Variants in DDX20 observed in about 807,000 individuals in gnomAD.
DDX20 encodes the protein probable ATP-dependent RNA helicase DDX20.
Under a neutral mutation model 76.4 loss-of-function variants are expected in DDX20, and 61 were observed. That is an observed-to-expected ratio of 0.80 (90% CI 0.65 to 0.99). DDX20 has a LOEUF of 0.99. Among genes scored for constraint, DDX20 ranks in the 50% least tolerant of loss-of-function variants. The pLI, the probability that DDX20 is intolerant of heterozygous loss-of-function variation, is 0.00. For synonymous variants in DDX20, 357 were observed against 357.4 expected (o/e 1.00, Z 0.01); for missense variants, 976 against 996.8 (o/e 0.98, Z 0.28).
In DDX20 at chr1:111,767,977, A is replaced by C. The variant is rs1663816843; in HGVS notation, c.*1078A>C. 1.3e-5 allele frequency: 2 copies of C among 152,238 alleles called. No individual in the cohort carries two copies. Among genetic ancestry groups the C allele is most frequent in the Non-Finnish European group, 1.5e-5 (1 of 68,030 alleles). The allele number at this position is 152,238 out of a possible 1,614,324, so 9.4% of individuals were successfully genotyped here. A position where few individuals can be genotyped will look rare whatever the true frequency, so the allele number is the denominator to read the frequency against. On this transcript the variant is annotated 3_prime_UTR_variant, in exon 11 of 11. Coordinates refer to ENST00000369702, the MANE Select transcript of DDX20 (RefSeq NM_007204.5). ...CTGATGCATCTGTAAATTACGATTT[A>C]GAAAAATATAATTGGAAATTACATA...
In DDX20 at chr1:111,756,017, G is replaced by A. The variant is rs1284024956; in HGVS notation, c.93G>A (p.Glu31=). Residue 31 remains glutamate (E), a synonymous_variant, in exon 1 of 11, where the codon GAG becomes GAA. Coordinates refer to ENST00000369702, the MANE Select transcript of DDX20 (RefSeq NM_007204.5). The stretch of plus-strand genomic sequence containing the variant: ...TGGCCGTGCAGGTCCCGGCCCCAGA[G>A]CCAACACCCGGGCCTGTGAGGATCC... ...EHVAVQVPAP[E]PTPGPVRILR... 5.6e-6 allele frequency: 9 copies of A among 1,609,136 alleles called. No homozygotes were observed. In the African/African-American group the frequency reaches 8.0e-5, roughly 14 times the overall value.
chr1:111,767,044 AT>A lies in DDX20; in HGVS notation c.*150del. 3.6e-6 allele frequency: 2 copies of A among 557,172 alleles called. No individual in the cohort carries two copies. The highest frequency in any genetic ancestry group is 3.0e-6 in the Non-Finnish European group (1 of 329,800). 34.5% of individuals were successfully genotyped at this position (557,172 alleles called of 1,614,324 possible). ...TGAGTCTTTCCACTGGGACACATCC[AT>A]TTTTCAGATTGTTTTGATTTAGGCC... On this transcript the variant is annotated 3_prime_UTR_variant, in exon 11 of 11. Transcript: ENST00000369702.
chr1:111,759,348 C>T (rs950933380), intron 2 of DDX20, 52 bp from the exon 3 acceptor site: 15 of 1,346,656 alleles, frequency 1.1e-5, no homozygotes, highest in Admixed American at 2.0e-5. Context: ...ATACCAGTCC[C>T]CTATGTATTT....
In DDX20 at chr1:111,762,340, A is replaced by G. The variant is rs1412404067; in HGVS notation, c.1104+3A>G. On this transcript the variant is annotated splice_donor_region_variant and intron_variant, in intron 8 of 10. Coordinates refer to ENST00000369702, the MANE Select transcript of DDX20 (RefSeq NM_007204.5). ...GAGTCCTCATTTCCACAGATTTGGT[A>G]AATTTCCTATTCAGTTTGGGTGACT... 1 of 1,611,850 alleles carries G rather than the reference A, an allele frequency of 6.2e-7. No individual in the cohort carries two copies. Among genetic ancestry groups the G allele is most frequent in the Non-Finnish European group, 8.5e-7 (1 of 1,178,660 alleles).
At chr1:111,756,591 C>T (rs978681095) in intron 1 of DDX20, 55 bp from the exon 2 acceptor site, 20 of 1,451,520 alleles carry the variant, frequency 1.4e-5, no homozygotes, top group African/African-American at 2.8e-5. Flanking sequence ...CCATGTTAGC[C>T]CCTAAGTTGC....
rs1311634627 is a variant in DDX20, at chr1:111,766,548, A to C, written c.2124A>C (p.Pro708=). The part of the protein sequence containing the change: ...QPPNGSDTPN[P]EKYQESPGIQ... ...CAAATGGAAGTGACACCCCCAATCC[A>C]GAGAAATATCAAGAATCACCTGGAA... Residue 708 remains proline, a synonymous_variant, in exon 11 of 11, where the codon CCA becomes CCC. Transcript: ENST00000369702. The C allele has an allele frequency of 3.1e-6, 5 of 1,614,088 alleles. No individual in the cohort carries two copies. Among genetic ancestry groups the C allele is most frequent in the Non-Finnish European group, 4.2e-6 (5 of 1,180,014 alleles).
chr1:111,763,978 T>G (rs948337576), intron 10 of DDX20, among the ~76,000 whole-genome samples: 2 of 152,138 alleles, frequency 1.3e-5, no homozygotes, highest in African/African-American at 4.8e-5. Context: ...TATTCATATA[T>G]AGATGTATGT....
At position 111,767,273 on chromosome 1, in the gene DDX20, T is replaced by C. The variant is rs1450910267; in HGVS notation, c.*374T>C. On this transcript the variant is annotated 3_prime_UTR_variant, in exon 11 of 11. Transcript: ENST00000369702. ...TAGATTTGATTAGTAATATTATTGC[T>C]GTGGAGTTCTTTACAAAGGGCTTAG... 6.0e-6 allele frequency: 1 copy of C among 165,914 alleles called. No homozygotes were observed. Among genetic ancestry groups the C allele is most frequent in the African/African-American group, 2.4e-5 (1 of 41,634 alleles). The allele number at this position is 165,914 out of a possible 1,614,324, so 10.3% of individuals were successfully genotyped here. A position where few individuals can be genotyped will look rare whatever the true frequency, so the allele number is the denominator to read the frequency against.
chr1:111,762,428 C>T (rs1663692250), intron 8 of DDX20, 91 bp downstream of exon 8: 11 of 1,059,660 alleles, frequency 1.0e-5, no homozygotes, highest in South Asian at 1.5e-5. Context: ...TTTATGTAGG[C>T]GTATCTAACA....
chr1:111,764,110 T>G (rs1663728151), intron 10 of DDX20, among the ~76,000 whole-genome samples: 1 of 151,832 alleles, frequency 6.6e-6, no homozygotes, highest in Non-Finnish European at 1.5e-5. Context: ...AAACCCTGTC[T>G]CTACTAAAAA....
chr1:111,759,424 G>C lies in DDX20; in HGVS notation c.421G>C (p.Glu141Gln). 6.2e-7 allele frequency: 1 copy of C among 1,601,064 alleles called. No individual in the cohort carries two copies. The highest frequency in any genetic ancestry group is 8.5e-7 in the Non-Finnish European group (1 of 1,175,980). ...GATTTTGATCTTGGCTCCTACAAGAGAAATTGCTGTACAGATACATTCTGT... is the reference window on the plus strand; with the variant it reads ...GATTTTGATCTTGGCTCCTACAAGACAAATTGCTGTACAGATACATTCTGT... The part of the protein sequence containing the change: ...TQILILAPTR[E>Q]IAVQIHSVIT... Residue 141 changes from glutamate (E) to glutamine (Q), a missense_variant, in exon 3 of 11, where the codon GAA (glutamate) becomes CAA (glutamine). Coordinates refer to ENST00000369702, the MANE Select transcript of DDX20 (RefSeq NM_007204.5).
chr1:111,758,278 C>A (rs1663604608), intron 2 of DDX20, among the ~76,000 whole-genome samples: 1 of 150,758 alleles, frequency 6.6e-6, no homozygotes, highest in African/African-American at 2.4e-5. Flanking sequence ...TTAGGACGTA[C>A]CAGAAAACAA....
At chr1:111,756,508 C>G in intron 1 of DDX20, 138 bp from the exon 2 acceptor site, 1 of 737,146 alleles carries the variant, frequency 1.4e-6, no homozygotes, top group Non-Finnish European at 2.3e-6. Context: ...TGTTCTCATA[C>G]GTTTTTGAGA....
In DDX20 at chr1:111,756,717, G is replaced by A; in HGVS notation, c.373G>A (p.Val125Ile). The change falls in exon 2 of 11, where the codon GTT becomes ATT. Residue 125 changes from valine to isoleucine, a missense_variant. Around this residue, in one of 3 missense-constraint regions of DDX20, gnomAD observed 343 missense variants for 286.4 expected, o/e 1.20. Transcript: ENST00000369702. Reference sequence around the variant, plus strand: ...CTCCACCATAGCTTTGGACTCTCTTGTTCTTGAAAACTTAAGTACCCAGGT... The same window carrying A: ...CTCCACCATAGCTTTGGACTCTCTTATTCTTGAAAACTTAAGTACCCAGGT... ...VFSTIALDSL[V>I]LENLSTQILI... 3 of 1,614,100 alleles carry A rather than the reference G, an allele frequency of 1.9e-6. No homozygotes were observed. The highest frequency in any genetic ancestry group is 2.2e-5 in the South Asian group (2 of 91,080).
chr1:111,756,333 C>T, intron 1 of DDX20, 108 bp downstream of exon 1: 1 of 1,217,930 alleles, frequency 8.2e-7, no homozygotes, highest in Non-Finnish European at 1.1e-6. Flanking sequence ...CCTCGGTCGG[C>T]CCCCGGAGCA....
At position 111,761,180 on chromosome 1, in the gene DDX20, G is replaced by A. The variant is rs186423567; in HGVS notation, c.963-46G>A. ...ACTTGTGAAATAAAAGGATAGTCAT[G>A]GGGCAATATTTGTAAATTTGTAACC... is the stretch of plus-strand genomic sequence containing the variant. On this transcript the variant is annotated intron_variant, in intron 6 of 10. Transcript: ENST00000369702. 1.1e-4 allele frequency: 172 copies of A among 1,611,582 alleles called. 1 individual carries two copies. In the African/African-American group the frequency reaches 2.1e-3, roughly 20 times the overall value.
Position 111,766,628 on chromosome 1 carries a change from G to A in DDX20, c.2204G>A (p.Arg735Gln), listed in dbSNP as rs370347142. Residue 735 changes from arginine (R) to glutamine (Q), a missense_variant, in exon 11 of 11, where the codon CGG becomes CAG. Coordinates refer to ENST00000369702, the MANE Select transcript of DDX20 (RefSeq NM_007204.5). ...GCTAGCCAGAGAGCTAAGCAGAGCCGGAGAAACCTACCCAGGCGGTCTTCC... is the reference window on the plus strand; with the variant it reads ...GCTAGCCAGAGAGCTAAGCAGAGCCAGAGAAACCTACCCAGGCGGTCTTCC... ...EGASQRAKQS[R>Q]RNLPRRSSFR... 2.4e-5 allele frequency: 39 copies of A among 1,614,140 alleles called. No individual in the cohort carries two copies. Among genetic ancestry groups the A allele is most frequent in the Middle Eastern group, 1.6e-4 (1 of 6,062 alleles).
At position 111,766,267 on chromosome 1, in the gene DDX20, C is replaced by T. The variant is rs1036148500; in HGVS notation, c.1843C>T (p.His615Tyr). ...GLEKPVEIIR[H>Y]YTGPGDQTVN... ...AGAGAAACCTGTGGAAATCATCAGG[C>T]ACTACACAGGCCCTGGGGATCAGAC... The change falls in exon 11 of 11, where the codon CAC (histidine) becomes TAC (tyrosine). Residue 615 changes from histidine (H) to tyrosine (Y), a missense_variant. Coordinates refer to ENST00000369702, the MANE Select transcript of DDX20 (RefSeq NM_007204.5). 1 of 1,614,004 alleles carries T rather than the reference C, an allele frequency of 6.2e-7. No individual in the cohort carries two copies. The highest frequency in any genetic ancestry group is 8.5e-7 in the Non-Finnish European group (1 of 1,180,028).
Position 111,766,904 on chromosome 1 carries a change from A to G in DDX20, c.*5A>G, listed in dbSNP as rs921257230. On this transcript the variant is annotated 3_prime_UTR_variant, in exon 11 of 11. Transcript: ENST00000369702. ...ATGATGCATAGTAACCAGTGATTAT[A>G]GGATATACCTGAGACCATCAGGAAC... 1 of 1,597,122 alleles carries G rather than the reference A, an allele frequency of 6.3e-7. No homozygotes were observed.
Sources: allele counts gnomAD v4.1 joint callset (sites outside exome capture counted in the v4.1 genomes callset), GRCh38; gene constraint gnomAD v4.1.1; regional missense constraint gnomAD v4.1.1; transcripts MANE v1.5; gene names NCBI Gene and HGNC (gene_info 2026-07-23, HGNC 2026-07-21).